The following NUBP1 variants were observed in gnomAD, a reference collection of about 807,000 sequenced individuals.
The protein encoded by NUBP1 is NUBP iron-sulfur cluster assembly factor 1, cytosolic.
In NUBP1, 46 loss-of-function variants were observed where a neutral mutation model predicts 41.8. That is an observed-to-expected ratio of 1.10 (90% confidence interval 0.87 to 1.41). The LOEUF is 1.41. Among genes scored for constraint, NUBP1 ranks in the 40% most tolerant of loss-of-function variants. NUBP1 has a pLI of 0.00. For missense variants in NUBP1, 494 were observed against 414.0 expected (o/e 1.19, Z -1.68); for synonymous variants, 189 against 154.6 (o/e 1.22, Z -1.65).
At chr16:10,751,531 A>G (rs59073622) in intron 3 of NUBP1, among the ~76,000 whole-genome samples, 13,174 of 152,196 alleles carry the variant, frequency 0.087, 684 homozygotes, top group South Asian at 0.2. Flanking sequence ...GTGGCAAGAA[A>G]CTAATTCAGG....
At chr16:10,746,817 C>T (rs964615594) in intron 2 of NUBP1, among the ~76,000 whole-genome samples, 1 of 152,144 alleles carries the variant, frequency 6.6e-6, no homozygotes, top group African/African-American at 2.4e-5. Context: ...AAGTTGGTGA[C>T]CATTGCTGTT....
At chr16:10,751,066 G>A (rs74007534) in intron 3 of NUBP1, among the ~76,000 whole-genome samples, 3,678 of 152,308 alleles carry the variant, frequency 0.024, 158 homozygotes, top group African/African-American at 0.084. Flanking sequence ...GGCCATCTGG[G>A]TAGCAGGAGC....
chr16:10,748,856 G>A (rs1211959862), intron 3 of NUBP1, among the ~76,000 whole-genome samples: 3 of 152,076 alleles, frequency 2.0e-5, no homozygotes, highest in African/African-American at 4.8e-5. Context: ...TTGGGAGGCT[G>A]AGGCAGGCGG....
intron 9 of NUBP1, chr16:10,763,754 G>A (rs1277114938): frequency 1.3e-5 from 2 of 155,228 alleles, no homozygotes; most frequent in Non-Finnish European, 2.9e-5. Flanking sequence ...ACGTTTGTCA[G>A]GGGAAACATC....
At chr16:10,747,390 T>G (rs778533226) in intron 3 of NUBP1, 114 bp downstream of exon 3, 31 of 1,406,340 alleles carry the variant, frequency 2.2e-5, no homozygotes, top group Non-Finnish European at 3.0e-5. Context: ...TCCCAGCACT[T>G]TGGGAGGCCA....
chr16:10,766,676 AAAGG>A lies in NUBP1; in HGVS notation c.821-1260_821-1257del, dbSNP rs912221954. 29 of 329,204 alleles carry A rather than the reference AAAGG, an allele frequency of 8.8e-5. No homozygotes were observed. In the Middle Eastern group the frequency reaches 3.1e-3, roughly 35 times the overall value. 20.4% of individuals were successfully genotyped at this position (329,204 alleles called of 1,614,324 possible). A position where few individuals can be genotyped will look rare whatever the true frequency, so the allele number is the denominator to read the frequency against. On this transcript the variant is annotated intron_variant, in intron 9 of 10. Coordinates refer to ENST00000283027, the MANE Select transcript of NUBP1 (RefSeq NM_002484.4). The surrounding 1 kb of genome is among the most constrained non-coding windows in gnomAD (Gnocchi z 4.8). ...AAAAAATTGGACAAAACGCACAAAG[AAAGG>A]AAGGAAGGAAGGGATTTATTGAAAA...
At position 10,757,259 on chromosome 16, in the gene NUBP1, T is replaced by A. The variant is rs1312057929; in HGVS notation, c.451+479T>A. Among the ~76,000 whole-genome samples, 6 of 152,126 alleles carry A rather than the reference T, an allele frequency of 3.9e-5. No individual in the cohort carries two copies. Among genetic ancestry groups the A allele is most frequent in the Non-Finnish European group, 8.8e-5 (6 of 68,004 alleles). ...GTGAGCCAAGATCATGCCACTGCAC[T>A]CCAGCCTGTGTGACAGAGCGAGACT... is the stretch of plus-strand genomic sequence containing the variant. On this transcript the variant is annotated intron_variant, in intron 6 of 10. Coordinates refer to ENST00000283027, the MANE Select transcript of NUBP1 (RefSeq NM_002484.4). The surrounding 1 kb of genome is among the most constrained non-coding windows in gnomAD (Gnocchi z 4.1).
In NUBP1 at chr16:10,755,737, C is replaced by T. The variant is rs1304916523; in HGVS notation, c.344C>T (p.Ser115Leu). Residue 115 changes from serine (S) to leucine (L), a missense_variant, in exon 5 of 11, where the codon TCA (serine) becomes TTA (leucine). Ser to Leu is a moderately radical substitution (Grantham distance 145, BLOSUM62 -2). Coordinates refer to ENST00000283027, the MANE Select transcript of NUBP1 (RefSeq NM_002484.4). The stretch of plus-strand genomic sequence containing the variant: ...TTCACACAGGTTCACCAGAGTGGCT[C>T]AGGCTGGTCTCCAGTGGTGAGTTTT... ...LEGEQVHQSG[S>L]GWSPVYVEDN... 2.5e-6 allele frequency: 4 copies of T among 1,614,074 alleles called. No homozygotes were observed. In the African/African-American group the frequency reaches 5.3e-5, roughly 22 times the overall value.
intron 2 of NUBP1, 25 bp downstream of exon 2, chr16:10,744,090 A>G (rs1447106796): frequency 2.9e-6 from 4 of 1,392,772 alleles, no homozygotes; most frequent in African/African-American, 1.5e-5. Flanking sequence ...AGGCCTCAAC[A>G]GGAACTTAGA....
intron 9 of NUBP1, 73 bp downstream of exon 9, chr16:10,761,932 G>T: frequency 8.3e-7 from 1 of 1,211,666 alleles, no homozygotes; most frequent in Non-Finnish European, 1.2e-6. Context: ...GCACAACAGG[G>T]GGCGGCTACA....
rs777149995 is a variant in NUBP1 at position 10,749,120 on chromosome 16, G to GACACACACACACACAC, written c.258+1849_258+1850insCACACACACACACACA. Among the ~76,000 whole-genome samples, 146 of 92,366 alleles carry GACACACACACACACAC rather than the reference G, an allele frequency of 1.6e-3. 2 individuals carry two copies. The highest frequency in any genetic ancestry group is 5.1e-3 in the African/African-American group (132 of 25,800). The allele number at this position is 92,366 out of a possible 152,430, so 60.6% of individuals were successfully genotyped here. ...AAAAAAGGATATAGATAGATACACAGACACATACACACACACACACACACA... is the reference window on the plus strand; with the variant it reads ...AAAAAAGGATATAGATAGATACACAGACACACACACACACACACACATACACACACACACACACACA... On this transcript the variant is annotated intron_variant, in intron 3 of 10. Coordinates refer to ENST00000283027, the MANE Select transcript of NUBP1 (RefSeq NM_002484.4). The surrounding 1 kb of genome is among the most constrained non-coding windows in gnomAD (Gnocchi z 4.1).
chr16:10,762,082 G>A, intron 9 of NUBP1: 1 of 481,000 alleles, frequency 2.1e-6, no homozygotes, highest in Admixed American at 3.5e-5. Flanking sequence ...TCAGGCAGAG[G>A]GGTGAGGCCT....
At chr16:10,753,177 C>T (rs932856100) in intron 4 of NUBP1, among the ~76,000 whole-genome samples, 4 of 151,810 alleles carry the variant, frequency 2.6e-5, no homozygotes, top group Non-Finnish European at 5.9e-5. Context: ...TGAGTCTTGG[C>T]GGGGGAGGGG....
In NUBP1 at chr16:10,768,022, T is replaced by TATA; in HGVS notation, c.897_899dup (p.Ile300dup). 1 of 1,613,928 alleles carries TATA rather than the reference T, an allele frequency of 6.2e-7. No homozygotes were observed. The highest frequency in any genetic ancestry group is 8.5e-7 in the Non-Finnish European group (1 of 1,179,932). On this transcript the variant is annotated inframe_insertion, in exon 10 of 11. Coordinates refer to ENST00000283027, the MANE Select transcript of NUBP1 (RefSeq NM_002484.4). This position sits in a 1 kb window ranked among gnomAD's most constrained non-coding sequence, Gnocchi z 4.3. The stretch of plus-strand genomic sequence containing the variant: ...CCCCAGCCACGTTAGCCTACAGAAG[T>TATA]ATAATTCAGAGTAAGTATTTCCATG...
intron 3 of NUBP1, among the ~76,000 whole-genome samples, chr16:10,747,987 A>C (rs941259359): frequency 6.6e-6 from 1 of 152,098 alleles, no homozygotes; most frequent in Non-Finnish European, 1.5e-5. Flanking sequence ...TCACTCTGTC[A>C]CCCAGGCTGA....
intron 7 of NUBP1, chr16:10,761,155 C>A: frequency 2.2e-6 from 1 of 463,864 alleles, no homozygotes; most frequent in Non-Finnish European, 3.9e-6. Flanking sequence ...CCACCAGGAA[C>A]TGCCTGTTCC....
intron 3 of NUBP1, among the ~76,000 whole-genome samples, chr16:10,751,014 G>A (rs1173943599): frequency 1.3e-5 from 2 of 152,186 alleles, no homozygotes; most frequent in South Asian, 2.1e-4. Context: ...GTAGTAATAA[G>A]ATCAACAGGA....
Position 10,752,671 on chromosome 16 carries a change from G to T in NUBP1, c.320G>T (p.Gly107Val). The T allele has an allele frequency of 6.2e-7, 1 of 1,613,728 alleles. No individual in the cohort carries two copies. The highest frequency in any genetic ancestry group is 8.5e-7 in the Non-Finnish European group (1 of 1,179,676). ...PSIPKIMGLE[G>V]EQVHQSGSGW... is the part of the protein sequence containing the mutation. ...ATTCCCAAGATAATGGGATTGGAAG[G>T]AGAGCAGGTAATAGCCGGTTACAGA... Residue 107 changes from glycine (G) to valine (V), a missense_variant, in exon 4 of 11, where the codon GGA (glycine) becomes GTA (valine). Gly to Val is a moderately radical substitution (Grantham distance 109). Transcript: ENST00000283027.
chr16:10,766,757 CAA>C lies in NUBP1; in HGVS notation c.821-1190_821-1189del, dbSNP rs1429514471. On this transcript the variant is annotated intron_variant, in intron 9 of 10. Transcript: ENST00000283027. This position sits in a 1 kb window ranked among gnomAD's most constrained non-coding sequence, Gnocchi z 4.8. Reference sequence around the variant, plus strand: ...GAGAACGGGCCTGAGAATAGGGGCTCAAAGGCCCCATTACAGAGTTTTTGTGT... The same window carrying C: ...GAGAACGGGCCTGAGAATAGGGGCTCAGGCCCCATTACAGAGTTTTTGTGT... 7.6e-6 allele frequency: 3 copies of C among 395,978 alleles called. No homozygotes were observed. Among genetic ancestry groups the C allele is most frequent in the Admixed American group, 4.4e-5 (1 of 22,630 alleles). 24.5% of individuals were successfully genotyped at this position (395,978 alleles called of 1,614,324 possible).
Sources: allele counts gnomAD v4.1 joint callset (sites outside exome capture counted in the v4.1 genomes callset), GRCh38; gene constraint gnomAD v4.1.1; non-coding constraint Gnocchi (gnomAD v3.1); transcripts MANE v1.5; gene names NCBI Gene and HGNC (gene_info 2026-07-23, HGNC 2026-07-21).